The following NXPE2 variants were observed in gnomAD, a reference collection of about 807,000 sequenced individuals.
NXPE2 encodes the protein NXPE family member 2.
Under a neutral mutation model 34.4 loss-of-function variants are expected in NXPE2, and 34 were observed. The observed-to-expected ratio is 0.99, with a 90% CI of 0.75 to 1.31. NXPE2 has a LOEUF of 1.31. Ranked by LOEUF, NXPE2 falls within the 40% of genes most tolerant of loss-of-function variation. NXPE2 has a pLI of 0.00. For missense variants in NXPE2, 649 were observed against 672.5 expected (o/e 0.97, Z 0.39); for synonymous variants, 235 against 231.3 (o/e 1.02, Z -0.15).
chr11:114,491,515 G>C, the NXPE2 span, among the ~76,000 whole-genome samples: 103 of 152,220 alleles, frequency 6.8e-4, no homozygotes, highest in African/African-American at 2.5e-3. Flanking sequence ...AACAACAGGT[G>C]CTGGAGAGGA....
the NXPE2 span, among the ~76,000 whole-genome samples, chr11:114,807,973 C>T: frequency 6.6e-6 from 1 of 152,190 alleles, no homozygotes; most frequent in African/African-American, 2.4e-5. Flanking sequence ...TGTAAAAGAA[C>T]AGAAATTATA....
chr11:114,515,065 A>G, the NXPE2 span, among the ~76,000 whole-genome samples: 17 of 152,126 alleles, frequency 1.1e-4, no homozygotes, highest in Admixed American at 7.9e-4. Context: ...TCCCTTTATA[A>G]TATCCATAGT....
chr11:114,581,145 T>C, the NXPE2 span, among the ~76,000 whole-genome samples: 1 of 152,214 alleles, frequency 6.6e-6, no homozygotes, highest in Non-Finnish European at 1.5e-5. Context: ...AATGCTGAAC[T>C]TGCAGAGACA....
chr11:114,659,267 G>T, the NXPE2 span, among the ~76,000 whole-genome samples: 1 of 152,132 alleles, frequency 6.6e-6, no homozygotes, highest in East Asian at 1.9e-4. Context: ...CCATAGTAAA[G>T]AGCAAGGCAA....
the NXPE2 span, among the ~76,000 whole-genome samples, chr11:114,464,847 C>CA: frequency 0.011 from 1,568 of 147,120 alleles, 31 homozygotes; most frequent in African/African-American, 0.036. Context: ...ATATTTCCTA[C>CA]AAAAAAAAAC....
chr11:114,546,540 G>A, the NXPE2 span, among the ~76,000 whole-genome samples: 3 of 150,124 alleles, frequency 2.0e-5, no homozygotes, highest in Non-Finnish European at 3.0e-5. Context: ...GGCCTCAAAC[G>A]ATCCTCCCAT....
At chr11:114,638,880 G>C in the NXPE2 span, among the ~76,000 whole-genome samples, 1 of 151,344 alleles carries the variant, frequency 6.6e-6, no homozygotes, top group Non-Finnish European at 1.5e-5. Flanking sequence ...CCCTACTGGG[G>C]GGTGCCTCCT....
the NXPE2 span, among the ~76,000 whole-genome samples, chr11:114,540,090 G>A: frequency 6.6e-6 from 1 of 152,278 alleles, no homozygotes; most frequent in South Asian, 2.1e-4. Flanking sequence ...TGAATAGCTG[G>A]GATTACAGAC....
the NXPE2 span, among the ~76,000 whole-genome samples, chr11:114,556,909 T>C: frequency 2.8e-3 from 427 of 151,988 alleles, no homozygotes; most frequent in African/African-American, 9.1e-3. Flanking sequence ...TTTTTTTTTT[T>C]TGAGACAGAG....
the NXPE2 span, among the ~76,000 whole-genome samples, chr11:114,596,258 A>G: frequency 3.0e-4 from 46 of 152,344 alleles, no homozygotes; most frequent in African/African-American, 1.1e-3. Flanking sequence ...TAACAGAGTG[A>G]CAGCTTGTAG....
chr11:114,641,393 C>T, the NXPE2 span, among the ~76,000 whole-genome samples: 1 of 152,022 alleles, frequency 6.6e-6, no homozygotes, highest in African/African-American at 2.4e-5. Context: ...CAAAGGAAAT[C>T]TCAGCAACTT....
the NXPE2 span, among the ~76,000 whole-genome samples, chr11:114,750,133 C>T: frequency 1.3e-5 from 2 of 152,222 alleles, no homozygotes; most frequent in African/African-American, 2.4e-5. Flanking sequence ...TCCACCTCCG[C>T]ATCAGGTACA....
chr11:114,634,547 G>A, the NXPE2 span, among the ~76,000 whole-genome samples: 4 of 152,006 alleles, frequency 2.6e-5, no homozygotes, highest in Non-Finnish European at 5.9e-5. Context: ...CCATGCCTAT[G>A]TCCTGAATGG....
chr11:114,703,916 A>G, intron 3 of NXPE2, 75 bp from the exon 4 acceptor site: 1 of 1,034,384 alleles, frequency 9.7e-7, no homozygotes, highest in South Asian at 1.4e-5. Flanking sequence ...GAGAGGTTTA[A>G]TCCATCTAAA....
chr11:114,505,602 C>T, the NXPE2 span, among the ~76,000 whole-genome samples: 3 of 152,130 alleles, frequency 2.0e-5, no homozygotes, highest in African/African-American at 4.8e-5. Context: ...AAATTCCAAC[C>T]TAGAATTTCA....
the NXPE2 span, among the ~76,000 whole-genome samples, chr11:114,811,208 A>G: frequency 7.9e-6 from 1 of 126,758 alleles, no homozygotes; most frequent in East Asian, 2.5e-4. Flanking sequence ...GGGGGGAGGG[A>G]TAGCATCAAG....
the NXPE2 span, among the ~76,000 whole-genome samples, chr11:114,808,061 AT>A: frequency 1.3e-5 from 2 of 152,238 alleles, no homozygotes; most frequent in Non-Finnish European, 2.9e-5. Flanking sequence ...GCTCAACTAC[AT>A]GGAAACTGAA....
At chr11:114,754,953 A>G in the NXPE2 span, among the ~76,000 whole-genome samples, 1 of 152,216 alleles carries the variant, frequency 6.6e-6, no homozygotes, top group Non-Finnish European at 1.5e-5. Flanking sequence ...CAGCATGGCT[A>G]CAACAGTGCA....
At chr11:114,719,568 C>T in the NXPE2 span, among the ~76,000 whole-genome samples, 8 of 152,340 alleles carry the variant, frequency 5.3e-5, no homozygotes, top group South Asian at 1.0e-3. Context: ...CCATTAGATC[C>T]ATTGAATGCA....
Sources: allele counts gnomAD v4.1 joint callset (sites outside exome capture counted in the v4.1 genomes callset), GRCh38; gene constraint gnomAD v4.1.1; transcripts MANE v1.5; gene names NCBI Gene and HGNC (gene_info 2026-07-23, HGNC 2026-07-21).